MUC5B: variants seen among roughly 807,000 people sequenced by gnomAD.
The protein encoded by MUC5B is mucin-5B.
A neutral mutation model predicts 376.9 loss-of-function variants in MUC5B; 116 were observed. The ratio of observed to expected loss-of-function variants is 0.31; its 90% CI spans 0.26 to 0.36. The LOEUF (loss-of-function observed/expected upper bound fraction) is 0.36. Ranked by LOEUF, MUC5B falls within the 10% of genes least tolerant of loss-of-function variation. The pLI, the probability that MUC5B is intolerant of heterozygous loss-of-function variation, is 1.00. For synonymous variants in MUC5B, 3,517 were observed against 3,390.9 expected, an observed-to-expected ratio of 1.04 and a Z score of -1.29; for missense variants, 7,165 against 7,769.9, an observed-to-expected ratio of 0.92 and a Z score of 2.93.
Position 1,230,155 on chromosome 11 carries a change from G to A in MUC5B, c.1359+12G>A, listed in dbSNP as rs978758434. 2.5e-6 allele frequency: 4 copies of A among 1,582,774 alleles called. No individual in the cohort carries two copies. The highest frequency in any genetic ancestry group is 2.2e-5 in the East Asian group (1 of 44,634). Reference sequence around the variant, plus strand: ...ACGTTCTGTCCAAGGTCTGGGCTTGGGGCCGGGTCTTCAGACACCCAGACC... The same window carrying A: ...ACGTTCTGTCCAAGGTCTGGGCTTGAGGCCGGGTCTTCAGACACCCAGACC... On this transcript the variant is annotated intron_variant, in intron 11 of 48. Transcript: ENST00000529681.
chr11:1,229,335 G>C (rs1861969219), intron 9 of MUC5B, 40 bp downstream of exon 9: 3 of 1,502,154 alleles, frequency 2.0e-6, no homozygotes, highest in Non-Finnish European at 2.7e-6. Context: ...GGGGCTTTCA[G>C]GTCCCTGCTC....
In MUC5B at chr11:1,228,953, A is replaced by G. The variant is rs2735703; in HGVS notation, c.976+188A>G. Among the ~76,000 whole-genome samples, 12,791 of 150,890 alleles carry G rather than the reference A, an allele frequency of 0.085. 679 individuals carry two copies. Among genetic ancestry groups the G allele is most frequent in the Middle Eastern group, 0.14 (40 of 294 alleles). ...GGGTGGGGCCTCCGGGGGCTGCAGG[A>G]GAAGGAGAGGCTGTGGAGAGGCTGT... is the stretch of plus-strand genomic sequence containing the variant. On this transcript the variant is annotated intron_variant, in intron 8 of 48. Transcript: ENST00000529681.
intron 25 of MUC5B, among the ~76,000 whole-genome samples, chr11:1,237,598 G>A (rs143899611): frequency 1.4e-4 from 22 of 152,330 alleles, no homozygotes; most frequent in African/African-American, 5.1e-4. Context: ...GACTGGGCGC[G>A]GTGGCTCATG....
intron 14 of MUC5B, 134 bp downstream of exon 14, chr11:1,231,694 T>A: frequency 3.4e-6 from 4 of 1,190,668 alleles, no homozygotes; most frequent in Non-Finnish European, 4.6e-6. Flanking sequence ...ATGGCGGAGA[T>A]CCTGGTGCCA....
In MUC5B at chr11:1,242,395, A is replaced by C; in HGVS notation, c.5515A>C (p.Ser1839Arg). Residue 1839 changes from serine to arginine, a missense_variant, in exon 31 of 49, where the codon AGC (serine) becomes CGC (arginine). Around this residue, in one of 31 missense-constraint regions of MUC5B, gnomAD observed 897 missense variants for 779.6 expected, o/e 1.15. Transcript: ENST00000529681. ...CCGGGCGGAGAACTACCCCGAGGTA[A>C]GCATCGACCAGGTCGGGCAGGTGCT... ...ECRAENYPEV[S>R]IDQVGQVLTC... 1 of 1,613,898 alleles carries C rather than the reference A, an allele frequency of 6.2e-7. No individual in the cohort carries two copies. The highest frequency in any genetic ancestry group is 8.5e-7 in the Non-Finnish European group (1 of 1,179,854).
chr11:1,243,269 C>A lies in MUC5B; in HGVS notation c.6389C>A (p.Pro2130His). The change falls in exon 31 of 49, where the codon CCC (proline) becomes CAC (histidine). Residue 2130 changes from proline to histidine, a missense_variant. Coordinates refer to ENST00000529681, the MANE Select transcript of MUC5B (RefSeq NM_002458.3). ...TCTAGCACACAGACCAGTGGTACTC[C>A]CCCATCACTGACCACCACGGCCACT... The part of the protein sequence containing the change: ...PSSSTQTSGT[P>H]PSLTTTATTI... 1 of 1,555,646 alleles carries A rather than the reference C, an allele frequency of 6.4e-7. No homozygotes were observed. Among genetic ancestry groups the A allele is most frequent in the South Asian group, 1.2e-5 (1 of 85,444 alleles).
chr11:1,258,425 C>A lies in MUC5B; in HGVS notation c.16593+58C>A, dbSNP rs1862904236. 5.0e-6 allele frequency: 8 copies of A among 1,584,712 alleles called. No individual in the cohort carries two copies. The highest frequency in any genetic ancestry group is 6.9e-6 in the Non-Finnish European group (8 of 1,162,656). On this transcript the variant is annotated intron_variant, in intron 43 of 48. Transcript: ENST00000529681. The surrounding 1 kb of genome is among the most constrained non-coding windows in gnomAD (Gnocchi z 5.5). ...GGGGCCTGAACATGTGTGTGGGATGCCCCGGGGCTCTCTGAGCCCCACTCC... is the reference window on the plus strand; with the variant it reads ...GGGGCCTGAACATGTGTGTGGGATGACCCGGGGCTCTCTGAGCCCCACTCC...
At chr11:1,239,709 TG>T (rs1174863651) in intron 27 of MUC5B, 89 bp from the exon 28 acceptor site, 1 of 1,493,478 alleles carries the variant, frequency 6.7e-7, no homozygotes, top group Non-Finnish European at 8.9e-7. Context: ...TGCTGGCTGG[TG>T]GGGGGCGGCT....
chr11:1,259,220 A>AGTGAGACCCGAGGCACCTGCCCCCAG (rs1223483472), intron 44 of MUC5B, among the ~76,000 whole-genome samples, 159 bp downstream of exon 44: 6 of 105,314 alleles, frequency 5.7e-5, no homozygotes, highest in East Asian at 6.0e-4. Context: ...CTTGCCCCCA[A>AGTGAGACCCGAGGCACCTGCCCCCAG]GTGAGACCCG....
At chr11:1,223,446 G>A (rs1283651090) in intron 1 of MUC5B, 1 of 602,610 alleles carries the variant, frequency 1.7e-6, no homozygotes, top group Admixed American at 2.6e-5. Flanking sequence ...GCAGGGCAAG[G>A]CCCCTGGGAG....
chr11:1,247,820 G>A lies in MUC5B; in HGVS notation c.10940G>A (p.Arg3647His), dbSNP rs370979564. 2.9e-5 allele frequency: 46 copies of A among 1,607,340 alleles called. No homozygotes were observed. Among genetic ancestry groups the A allele is most frequent in the Admixed American group, 3.3e-5 (2 of 59,870 alleles). ...GACTTTGGCCTGGTCTGCAGGAACCGTGAGCAGGTGGGGAAGTTCAAGATG... is the reference window on the plus strand; with the variant it reads ...GACTTTGGCCTGGTCTGCAGGAACCATGAGCAGGTGGGGAAGTTCAAGATG... The part of the protein sequence containing the change: ...SLDFGLVCRN[R>H]EQVGKFKMCF... Residue 3647 changes from arginine to histidine, a missense_variant, in exon 31 of 49, where the codon CGT (arginine) becomes CAT (histidine). Physicochemically the swap from Arg to His is conservative, Grantham distance 29 (BLOSUM62 0). Coordinates refer to ENST00000529681, the MANE Select transcript of MUC5B (RefSeq NM_002458.3).
Position 1,242,772 on chromosome 11 carries a change from C to G in MUC5B, c.5892C>G (p.Ala1964=). The part of the protein sequence containing the change: ...TPSSSPGTAT[A]LPALRSTATT... ...CCTCCAGTCCAGGGACTGCAACCGC[C>G]CTTCCAGCACTGAGAAGCACAGCCA... The change falls in exon 31 of 49, where the codon GCC becomes GCG. Residue 1964 remains alanine, a synonymous_variant. Transcript: ENST00000529681. 1 of 1,613,200 alleles carries G rather than the reference C, an allele frequency of 6.2e-7. No homozygotes were observed. Among genetic ancestry groups the G allele is most frequent in the Non-Finnish European group, 8.5e-7 (1 of 1,179,564 alleles).
At position 1,255,485 on chromosome 11, in the gene MUC5B, G is replaced by A; in HGVS notation, c.15993G>A (p.Leu5331=). The part of the protein sequence containing the change: ...RGRLEVPCQS[L]EAYAELCRAR... ...GCCTTGAGGTGCCCTGCCAGAGCCT[G>A]GAGGCTTACGCAGAGCTCTGCCGCG... Residue 5331 remains leucine, a synonymous_variant, in exon 37 of 49, where the codon CTG becomes CTA. Transcript: ENST00000529681. The A allele has an allele frequency of 6.3e-7, 1 of 1,580,006 alleles. No individual in the cohort carries two copies. The highest frequency in any genetic ancestry group is 1.2e-5 in the South Asian group (1 of 86,670).
chr11:1,231,566 G>C lies in MUC5B; in HGVS notation c.1678+6G>C. Reference sequence around the variant, plus strand: ...CCACCAGGGCCAGATGTGCGGTGAGGCTGGGCAGGGGCCTTCGGGGACAGG... The same window carrying C: ...CCACCAGGGCCAGATGTGCGGTGAGCCTGGGCAGGGGCCTTCGGGGACAGG... On this transcript the variant is annotated splice_donor_region_variant and intron_variant, in intron 14 of 48. Coordinates refer to ENST00000529681, the MANE Select transcript of MUC5B (RefSeq NM_002458.3). The C allele has an allele frequency of 6.4e-7, 1 of 1,565,324 alleles. No individual in the cohort carries two copies. The highest frequency in any genetic ancestry group is 1.2e-5 in the South Asian group (1 of 85,734).
In MUC5B at chr11:1,236,457, C is replaced by T. The variant is rs1862159821; in HGVS notation, c.2952C>T (p.Tyr984=). The change falls in exon 24 of 49, where the codon TAC becomes TAT. Residue 984 remains tyrosine, a synonymous_variant. Coordinates refer to ENST00000529681, the MANE Select transcript of MUC5B (RefSeq NM_002458.3). ...GAGGGCCGGGTGGGGACCCACCCTA[C>T]AAGATACGCTACATGGGGATCTTCC... ...VARGPGGDPP[Y]KIRYMGIFLV... 6.2e-7 allele frequency: 1 copy of T among 1,612,884 alleles called. No homozygotes were observed. The highest frequency in any genetic ancestry group is 1.3e-5 in the African/African-American group (1 of 74,922).
At chr11:1,259,457 G>GT (rs1862941428) in intron 44 of MUC5B, 2 of 531,542 alleles carry the variant, frequency 3.8e-6, no homozygotes, top group Non-Finnish European at 6.8e-6. Context: ...TCCAAAGGGA[G>GT]GGTATGAAGT....
rs200027230 is a variant in MUC5B at position 1,250,255 on chromosome 11, G to A, written c.13375G>A (p.Val4459Met). ...CACAGAGCCGAGCACTACAGCCACC[G>A]TGACGGTGCCCACCGGATCCACGGC... ...ILTEPSTTAT[V>M]TVPTGSTATA... Residue 4459 changes from valine (V) to methionine (M), a missense_variant, in exon 31 of 49, where the codon GTG becomes ATG. Physicochemically the swap from Val to Met is conservative, Grantham distance 21. Transcript: ENST00000529681. 0.014 allele frequency: 22,268 copies of A among 1,612,158 alleles called. 232 individuals carry two copies. Among genetic ancestry groups the A allele is most frequent in the Non-Finnish European group, 0.017 (20,194 of 1,179,276 alleles).
chr11:1,237,020 T>A lies in MUC5B; in HGVS notation c.3153T>A (p.Phe1051Leu), dbSNP rs1023766795. The part of the protein sequence containing the change: ...SRSVVGDALE[F>L]GNSWKLSPSC... ...CCGTGGTGGGGGACGCACTGGAGTT[T>A]GGGAACAGCTGGAAGCTCTCCCCCT... The change falls in exon 25 of 49, where the codon TTT (phenylalanine) becomes TTA (leucine). Residue 1051 changes from phenylalanine (F) to leucine (L), a missense_variant. This residue lies in a region of MUC5B where 143 missense variants were observed against 193.2 expected (regional missense o/e 0.74). Transcript: ENST00000529681. 8 of 1,576,414 alleles carry A rather than the reference T, an allele frequency of 5.1e-6. No homozygotes were observed. The highest frequency in any genetic ancestry group is 6.9e-6 in the Non-Finnish European group (8 of 1,160,888).
chr11:1,235,683 C>T (rs943555343), intron 23 of MUC5B, among the ~76,000 whole-genome samples: 36 of 152,294 alleles, frequency 2.4e-4, no homozygotes, highest in African/African-American at 7.5e-4. Flanking sequence ...GCTTCACAGG[C>T]GGCAGGCGTC....
Sources: gnomAD v4.1 joint callset for allele counts (sites outside exome capture counted in the v4.1 genomes callset) on GRCh38, gnomAD v4.1.1 for gene constraint, gnomAD v4.1.1 regional missense constraint, Gnocchi (gnomAD v3.1) non-coding constraint, MANE v1.5 for transcripts, NCBI Gene and HGNC (gene_info 2026-07-23, HGNC 2026-07-21) for gene names.